The following RBFOX1 variants were observed in gnomAD, a reference collection of about 807,000 sequenced individuals.
The protein encoded by RBFOX1 is RNA binding fox-1 homolog 1.
RBFOX1 carries 8 observed loss-of-function variants against 57.7 expected under a neutral mutation model. That is an observed-to-expected ratio of 0.14 (90% CI 0.08 to 0.25). The LOEUF is 0.25. Ranked by LOEUF, RBFOX1 falls within the 10% of genes least tolerant of loss-of-function variation. The pLI is 1.00. For missense variants in RBFOX1, 611 were observed against 548.5 expected, an observed-to-expected ratio of 1.11 and a Z score of -1.14; for synonymous variants, 326 against 222.4, an observed-to-expected ratio of 1.47 and a Z score of -4.15.
intron 3 of RBFOX1, among the ~76,000 whole-genome samples, chr16:5,645,700 C>G (rs1051831350): frequency 2.8e-4 from 42 of 152,214 alleles, no homozygotes; most frequent in African/African-American, 9.4e-4. Context: ...GGATCTTGGT[C>G]TGGCACCCAG....
rs538949280 is a variant in RBFOX1, at chr16:5,651,602, C to G, written c.318+52641C>G. Among the ~76,000 whole-genome samples, 6 of 152,220 alleles carry G rather than the reference C, an allele frequency of 3.9e-5. No individual in the cohort carries two copies. The East Asian group carries it at 5.8e-4, about 15-fold the overall frequency. On this transcript the variant is annotated intron_variant, in intron 3 of 19. Transcript: ENST00000641259. The stretch of plus-strand genomic sequence containing the variant: ...GCACCCCGTCCTGTCCTGTGTGTGA[C>G]CTTGTCAGTCACCACCTTTCCCCAA...
chr16:7,329,439 T>C (rs1437994559), intron 4 of RBFOX1, among the ~76,000 whole-genome samples: 2 of 152,260 alleles, frequency 1.3e-5, no homozygotes, highest in South Asian at 4.1e-4. Context: ...ACACACGACA[T>C]AGTGTCGACC....
intron 2 of RBFOX1, among the ~76,000 whole-genome samples, chr16:5,530,467 T>G (rs891611160): frequency 6.6e-6 from 1 of 152,158 alleles, no homozygotes; most frequent in East Asian, 1.9e-4. Flanking sequence ...CAATAGGACA[T>G]GCATTTCACC....
intron 4 of RBFOX1, among the ~76,000 whole-genome samples, chr16:7,286,296 C>T (rs954341158): frequency 6.6e-6 from 1 of 152,068 alleles, no homozygotes; most frequent in Non-Finnish European, 1.5e-5. Context: ...CATATCCTTC[C>T]ACCTTCAGCA....
chr16:7,006,215 C>G (rs558386829), intron 3 of RBFOX1, among the ~76,000 whole-genome samples: 1 of 152,010 alleles, frequency 6.6e-6, no homozygotes, highest in African/African-American at 2.4e-5. Flanking sequence ...AGTGCAGTGG[C>G]ACGATCTCGG....
chr16:6,115,942 A>G (rs974990401), intron 1 of RBFOX1, among the ~76,000 whole-genome samples: 1 of 152,208 alleles, frequency 6.6e-6, no homozygotes, highest in Non-Finnish European at 1.5e-5. Context: ...AGGATTATAA[A>G]TCACTCTACT....
intron 2 of RBFOX1, among the ~76,000 whole-genome samples, chr16:5,549,766 T>G (rs1157198492): frequency 6.6e-6 from 1 of 152,164 alleles, no homozygotes; most frequent in African/African-American, 2.4e-5. Context: ...CATTTCACCC[T>G]GGAAAAGACC....
intron 3 of RBFOX1, among the ~76,000 whole-genome samples, chr16:6,974,106 C>G (rs1369993696): frequency 2.0e-5 from 3 of 152,124 alleles, no homozygotes; most frequent in African/African-American, 7.2e-5. Flanking sequence ...AGGACATGAT[C>G]TCATTCCTTT....
chr16:6,396,796 TA>T (rs559055798), intron 2 of RBFOX1, among the ~76,000 whole-genome samples: 3 of 151,862 alleles, frequency 2.0e-5, no homozygotes, highest in East Asian at 1.9e-4. Context: ...AACCCTGACA[TA>T]AAAAAAATGT....
chr16:7,712,687 C>T lies in RBFOX1; in HGVS notation c.*1942C>T, dbSNP rs1279224026. 1 of 152,078 alleles carries T rather than the reference C, an allele frequency of 6.6e-6. No homozygotes were observed. The highest frequency in any genetic ancestry group is 1.5e-5 in the Non-Finnish European group (1 of 68,030). The allele number at this position is 152,078 out of a possible 1,614,324, so 9.4% of individuals were successfully genotyped here. On this transcript the variant is annotated 3_prime_UTR_variant, in exon 16 of 16. Coordinates refer to ENST00000550418, the MANE Select transcript of RBFOX1 (RefSeq NM_018723.4). Reference sequence around the variant, plus strand: ...TCACTAAGACATTCTCATTCCCCCACCTGGAAAACAGTGTTATGGCAATGG... The same window carrying T: ...TCACTAAGACATTCTCATTCCCCCATCTGGAAAACAGTGTTATGGCAATGG...
rs540173352 is a variant in RBFOX1 at position 6,617,901 on chromosome 16, C to A, written c.-63-36702C>A. ...ATGGAGGTCTAGAAGTGTCTGGGGG[C>A]AGGGGTAACAGCAAAAACAAAACTT... On this transcript the variant is annotated intron_variant, in intron 2 of 15. Transcript: ENST00000550418. Among the ~76,000 whole-genome samples, 3 of 152,186 alleles carry A rather than the reference C, an allele frequency of 2.0e-5. No individual in the cohort carries two copies. The South Asian group carries it at 6.2e-4, about 32-fold the overall frequency.
At chr16:6,878,075 GAAGA>G (rs1448194116) in intron 3 of RBFOX1, among the ~76,000 whole-genome samples, 1 of 152,164 alleles carries the variant, frequency 6.6e-6, no homozygotes, top group Non-Finnish European at 1.5e-5. Context: ...AGGACAGATA[GAAGA>G]GAGAATGGCT....
intron 1 of RBFOX1, among the ~76,000 whole-genome samples, chr16:5,362,042 T>C (rs1240024622): frequency 6.6e-6 from 1 of 152,218 alleles, no homozygotes; most frequent in Non-Finnish European, 1.5e-5. Flanking sequence ...ATAAGTTATG[T>C]TTTTATTTAA....
chr16:7,248,312 C>T (rs376598522), intron 4 of RBFOX1, among the ~76,000 whole-genome samples: 1 of 152,188 alleles, frequency 6.6e-6, no homozygotes, highest in African/African-American at 2.4e-5. Context: ...CACTCCCTTC[C>T]TTGTTCATAA....
intron 4 of RBFOX1, among the ~76,000 whole-genome samples, chr16:5,992,038 A>C: frequency 6.6e-6 from 1 of 152,254 alleles, no homozygotes; most frequent in Admixed American, 6.5e-5. Context: ...TACATTTTAC[A>C]CAAAGTTATG....
intron 5 of RBFOX1, among the ~76,000 whole-genome samples, chr16:7,554,269 G>A (rs754285278): frequency 3.9e-5 from 6 of 152,186 alleles, no homozygotes; most frequent in African/African-American, 7.2e-5. Context: ...TTTAGTCATA[G>A]CAGGAACCGT....
At chr16:5,804,305 A>G (rs947662628) in intron 3 of RBFOX1, among the ~76,000 whole-genome samples, 2 of 152,226 alleles carry the variant, frequency 1.3e-5, no homozygotes, top group South Asian at 2.1e-4. Flanking sequence ...GAATGAATAG[A>G]TGAATGGATG....
At chr16:7,258,688 G>T (rs546226267) in intron 4 of RBFOX1, among the ~76,000 whole-genome samples, 1 of 152,154 alleles carries the variant, frequency 6.6e-6, no homozygotes, top group East Asian at 1.9e-4. Context: ...GAACTGCAAA[G>T]GTCATGGTTG....
At chr16:7,103,835 A>G (rs2151419240) in intron 4 of RBFOX1, among the ~76,000 whole-genome samples, 1 of 152,298 alleles carries the variant, frequency 6.6e-6, no homozygotes, top group East Asian at 1.9e-4. Flanking sequence ...TTTAACTCTT[A>G]GTCATGAGAA....
Sources: gnomAD v4.1 joint callset for allele counts (sites outside exome capture counted in the v4.1 genomes callset) on GRCh38, gnomAD v4.1.1 for gene constraint, MANE v1.5 for transcripts, NCBI Gene and HGNC (gene_info 2026-07-23, HGNC 2026-07-21) for gene names.